The following NDUFB2 variants were observed in gnomAD, a reference collection of about 807,000 sequenced individuals.
NDUFB2 encodes the protein NADH dehydrogenase [ubiquinone] 1 beta subcomplex subunit 2, mitochondrial.
NDUFB2 carries 13 observed loss-of-function variants against 13.4 expected under a neutral mutation model. That is an observed-to-expected ratio of 0.97 (90% CI 0.63 to 1.54). The LOEUF is 1.54. Ranked by LOEUF, NDUFB2 falls within the 40% of genes most tolerant of loss-of-function variation. NDUFB2 has a pLI of 0.00. For missense variants in NDUFB2, 150 were observed against 139.7 expected, an observed-to-expected ratio of 1.07 and a Z score of -0.37; for synonymous variants, 47 against 50.6, an observed-to-expected ratio of 0.93 and a Z score of 0.30.
intron 1 of NDUFB2, 166 bp downstream of exon 1, chr7:140,697,008 C>T (rs1794818264): frequency 3.1e-6 from 2 of 652,464 alleles, no homozygotes; most frequent in Non-Finnish European, 5.3e-6. Flanking sequence ...GAGAGGGACC[C>T]CGCTGGCCGG....
At chr7:140,705,122 CAG>C (rs1234765386) in intron 3 of NDUFB2, 159 bp downstream of exon 3, 7 of 416,310 alleles carry the variant, frequency 1.7e-5, no homozygotes, top group Non-Finnish European at 4.1e-6. Context: ...TTTTTTGAGA[CAG>C]AGTCTTGCTC....
At chr7:140,698,057 A>G in intron 1 of NDUFB2, 1 of 1,310,178 alleles carries the variant, frequency 7.6e-7, no homozygotes, top group Non-Finnish European at 1.0e-6. Context: ...GTATTCTTTA[A>G]CTGTTGTTGT....
intron 1 of NDUFB2, among the ~76,000 whole-genome samples, chr7:140,701,570 C>T (rs938539344): frequency 1.5e-4 from 22 of 150,134 alleles, no homozygotes; most frequent in African/African-American, 4.7e-4. Flanking sequence ...GCTCAGTCAG[C>T]AGAAGGATCG....
At chr7:140,701,198 AAGG>A (rs1253596794) in intron 1 of NDUFB2, 1 of 152,258 alleles carries the variant, frequency 6.6e-6, no homozygotes, top group African/African-American at 2.4e-5. Context: ...TGATTAATAA[AAGG>A]AGAAAATTGT....
intron 1 of NDUFB2, chr7:140,701,926 A>C (rs185034205): frequency 0.06 from 36,057 of 603,100 alleles, 1,291 homozygotes; most frequent in Middle Eastern, 0.09. Flanking sequence ...ACAGAGTGAG[A>C]CTCTCGCAAA....
chr7:140,703,720 G>T (rs1477218377), intron 2 of NDUFB2, among the ~76,000 whole-genome samples: 2 of 152,060 alleles, frequency 1.3e-5, no homozygotes, highest in African/African-American at 4.8e-5. Context: ...GAGTTAATTT[G>T]TCTTGAGAAG....
intron 1 of NDUFB2, 109 bp downstream of exon 1, chr7:140,696,951 C>T: frequency 1.0e-6 from 1 of 990,160 alleles, no homozygotes; most frequent in Non-Finnish European, 1.5e-6. Flanking sequence ...CGTCCCGAGG[C>T]ATGCTGGGAC....
chr7:140,705,049 A>C (rs1336350554), intron 3 of NDUFB2, 86 bp downstream of exon 3: 2 of 644,976 alleles, frequency 3.1e-6, no homozygotes, highest in African/African-American at 3.8e-5. Context: ...TGGACTTGAA[A>C]AAACTGCATA....
chr7:140,702,599 ACATT>A (rs976398041), intron 1 of NDUFB2: 7 of 404,874 alleles, frequency 1.7e-5, no homozygotes, highest in African/African-American at 1.4e-4. Flanking sequence ...CAGAATCAAC[ACATT>A]CAAATTTCTA....
chr7:140,705,953 A>G (rs755165092), intron 3 of NDUFB2, among the ~76,000 whole-genome samples: 1 of 152,102 alleles, frequency 6.6e-6, no homozygotes, highest in Non-Finnish European at 1.5e-5. Flanking sequence ...CCCTTTCCTC[A>G]TAAACCCCTA....
At chr7:140,705,819 G>A (rs892179766) in intron 3 of NDUFB2, among the ~76,000 whole-genome samples, 3 of 152,146 alleles carry the variant, frequency 2.0e-5, no homozygotes, top group African/African-American at 7.2e-5. Context: ...GCATATGGGA[G>A]TATTACTATA....
intron 3 of NDUFB2, among the ~76,000 whole-genome samples, chr7:140,705,837 A>C (rs1046038846): frequency 1.3e-5 from 2 of 152,152 alleles, no homozygotes; most frequent in Non-Finnish European, 2.9e-5. Flanking sequence ...ATATAGAACT[A>C]TATGAAAACT....
chr7:140,700,506 G>A (rs1794881661), intron 1 of NDUFB2, among the ~76,000 whole-genome samples: 1 of 151,820 alleles, frequency 6.6e-6, no homozygotes, highest in Non-Finnish European at 1.5e-5. Flanking sequence ...AAGGCTCTTG[G>A]CCGGGCACAG....
chr7:140,700,567 T>A (rs987707335), intron 1 of NDUFB2: 1 of 151,402 alleles, frequency 6.6e-6, no homozygotes, highest in African/African-American at 2.4e-5. Context: ...GGCAGGCGGA[T>A]CACCTGAGGT....
intron 1 of NDUFB2, chr7:140,697,181 C>T (rs1794821991): frequency 5.0e-6 from 3 of 594,736 alleles, no homozygotes; most frequent in Middle Eastern, 3.1e-4. Context: ...GCGTGCGCGG[C>T]GGGTGTGGAC....
At chr7:140,701,410 A>T (rs1794894893) in intron 1 of NDUFB2, among the ~76,000 whole-genome samples, 1 of 152,180 alleles carries the variant, frequency 6.6e-6, no homozygotes, top group Non-Finnish European at 1.5e-5. Flanking sequence ...GGGGAGGATA[A>T]AAACAGTCTG....
At chr7:140,697,987 TGC>T in intron 1 of NDUFB2, 1 of 1,287,418 alleles carries the variant, frequency 7.8e-7, no homozygotes. Flanking sequence ...GGCGAGCCAC[TGC>T]GCTTGGTCTC....
In NDUFB2 at chr7:140,704,923, G is replaced by C. The variant is rs778187923; in HGVS notation, c.307G>C (p.Asp103His). 4.6e-5 allele frequency: 73 copies of C among 1,600,210 alleles called. No homozygotes were observed. The highest frequency in any genetic ancestry group is 4.9e-5 in the Non-Finnish European group (58 of 1,172,990). Residue 103 changes from aspartate to histidine, a missense_variant, in exon 3 of 4, where the codon GAT becomes CAT. Coordinates refer to ENST00000247866, the MANE Select transcript of NDUFB2 (RefSeq NM_004546.3). ...TGAAGAATTAGGTATCCCTCCTGAT[G>C]ATGAAGACTGAAGGTGTAGACTCAG... ...TDEELGIPPD[D>H]ED is the part of the protein sequence containing the mutation.
At chr7:140,697,198 G>A (rs967880972) in intron 1 of NDUFB2, 1 of 646,924 alleles carries the variant, frequency 1.5e-6, no homozygotes, top group African/African-American at 1.8e-5. Flanking sequence ...GGACGCTCCT[G>A]GAGCGAGGCG....
Sources: gnomAD v4.1 joint callset for allele counts (sites outside exome capture counted in the v4.1 genomes callset) on GRCh38, gnomAD v4.1.1 for gene constraint, MANE v1.5 for transcripts, NCBI Gene and HGNC (gene_info 2026-07-23, HGNC 2026-07-21) for gene names.